The following RGS22 variants were observed in gnomAD, a reference collection of about 807,000 sequenced individuals.
RGS22 encodes regulator of G-protein signaling 22.
In RGS22, 148 loss-of-function variants were observed where a neutral mutation model predicts 172.9. The ratio of observed to expected loss-of-function variants is 0.86; its 90% CI spans 0.75 to 0.98. The LOEUF is 0.98. Among genes scored for constraint, RGS22 ranks in the 50% least tolerant of loss-of-function variants. RGS22 has a pLI of 0.00. For synonymous variants in RGS22, 458 were observed against 480.2 expected, an observed-to-expected ratio of 0.95 and a Z score of 0.60; for missense variants, 1,347 against 1,440.8, an observed-to-expected ratio of 0.93 and a Z score of 1.05.
At chr8:100,017,089 C>T (rs1817068829) in intron 14 of RGS22, among the ~76,000 whole-genome samples, 1 of 143,176 alleles carries the variant, frequency 7.0e-6, no homozygotes, top group South Asian at 2.3e-4. Context: ...CCTCTGCCTC[C>T]TGGGCTCAAG....
At chr8:100,101,976 T>C (rs1488739756) in intron 2 of RGS22, among the ~76,000 whole-genome samples, 1 of 152,140 alleles carries the variant, frequency 6.6e-6, no homozygotes, top group Non-Finnish European at 1.5e-5. Context: ...GCTTCCCAAA[T>C]ATCAGGGACC....
chr8:100,069,209 A>G (rs1810766916), intron 6 of RGS22, among the ~76,000 whole-genome samples: 1 of 152,212 alleles, frequency 6.6e-6, no homozygotes, highest in Non-Finnish European at 1.5e-5. Context: ...GATCAACTGA[A>G]AGTGCCTTAT....
intron 3 of RGS22, among the ~76,000 whole-genome samples, chr8:100,081,510 C>T (rs980638473): frequency 6.6e-6 from 1 of 151,786 alleles, no homozygotes; most frequent in African/African-American, 2.4e-5. Flanking sequence ...AGCCTTAGGA[C>T]TAAGAGTTTC....
chr8:99,989,098 AC>A (rs1299090905), intron 20 of RGS22, among the ~76,000 whole-genome samples: 2 of 152,114 alleles, frequency 1.3e-5, no homozygotes, highest in African/African-American at 4.8e-5. Context: ...ATAGCAAAAA[AC>A]AAACATTAAA....
chr8:99,977,826 C>A (rs910374892), intron 23 of RGS22, 91 bp downstream of exon 23: 7 of 1,101,684 alleles, frequency 6.4e-6, no homozygotes, highest in Non-Finnish European at 9.0e-6. Flanking sequence ...TAACTTCTCT[C>A]TATATATCCC....
At chr8:100,038,636 C>T (rs1819760952) in intron 14 of RGS22, 1 of 217,220 alleles carries the variant, frequency 4.6e-6, no homozygotes, top group Non-Finnish European at 9.0e-6. Flanking sequence ...TCACTCAAAA[C>T]CAAACCAAAA....
At chr8:100,033,153 G>T (rs1261709935) in intron 14 of RGS22, among the ~76,000 whole-genome samples, 1 of 151,996 alleles carries the variant, frequency 6.6e-6, no homozygotes, top group African/African-American at 2.4e-5. Context: ...CAGAAGACAA[G>T]AAATACTTAA....
intron 22 of RGS22, among the ~76,000 whole-genome samples, chr8:99,981,694 T>A (rs1323634777): frequency 1.3e-5 from 2 of 151,428 alleles, no homozygotes; most frequent in Non-Finnish European, 2.9e-5. Context: ...AGGATATCTA[T>A]CTTTTTAATT....
intron 14 of RGS22, among the ~76,000 whole-genome samples, chr8:100,029,716 A>AAAG (rs1554619565): frequency 6.6e-6 from 1 of 150,928 alleles, no homozygotes; most frequent in African/African-American, 2.4e-5. Flanking sequence ...AAAAAAAAAA[A>AAAG]AAAAAAAGAA....
At chr8:99,968,837 C>T (rs1274734514) in intron 23 of RGS22, among the ~76,000 whole-genome samples, 2 of 152,232 alleles carry the variant, frequency 1.3e-5, no homozygotes, top group East Asian at 3.9e-4. Context: ...CTTCCCCAAC[C>T]TAGCAAGATA....
chr8:100,052,406 A>G (rs1290839552), intron 10 of RGS22, among the ~76,000 whole-genome samples: 1 of 149,896 alleles, frequency 6.7e-6, no homozygotes, highest in Admixed American at 6.7e-5. Context: ...GATTCCCGCC[A>G]TTCTCCTGCC....
At chr8:100,045,557 T>C (rs1820626719) in intron 11 of RGS22, among the ~76,000 whole-genome samples, 1 of 152,114 alleles carries the variant, frequency 6.6e-6, no homozygotes, top group African/African-American at 2.4e-5. Context: ...ATGCATACTA[T>C]GTTGGTGAAG....
At chr8:100,098,495 A>G (rs887845440) in intron 2 of RGS22, among the ~76,000 whole-genome samples, 1 of 152,212 alleles carries the variant, frequency 6.6e-6, no homozygotes, top group Non-Finnish European at 1.5e-5. Flanking sequence ...AAGCCCGCAT[A>G]TCAGATCCCC....
At chr8:100,006,242 A>G (rs1227402992) in intron 15 of RGS22, 133 bp from the exon 16 acceptor site, 1 of 685,644 alleles carries the variant, frequency 1.5e-6, no homozygotes, top group East Asian at 2.8e-5. Context: ...AACATAGTTT[A>G]AAAGATTAGC....
At position 100,063,578 on chromosome 8, in the gene RGS22, C is replaced by T. The variant is rs2446927; in HGVS notation, c.1190G>A (p.Arg397Lys). Residue 397 changes from arginine to lysine, a missense_variant, in exon 8 of 28, where the codon AGG becomes AAG. Coordinates refer to ENST00000360863, the MANE Select transcript of RGS22 (RefSeq NM_015668.5). The part of the protein sequence containing the change: ...SKNESAGPES[R>K]ADWCISHRTY... Reference sequence around the variant, plus strand: ...CCTATGAGAAATACACCAGTCCGCCCTGCTCTCTGGTCCAGCGCTCTCATT... The same window carrying T: ...CCTATGAGAAATACACCAGTCCGCCTTGCTCTCTGGTCCAGCGCTCTCATT... 1.9e-6 allele frequency: 3 copies of T among 1,614,024 alleles called. No homozygotes were observed. The highest frequency in any genetic ancestry group is 2.2e-5 in the South Asian group (2 of 91,084).
chr8:100,086,722 A>C (rs910141545), intron 3 of RGS22, among the ~76,000 whole-genome samples: 44 of 152,134 alleles, frequency 2.9e-4, no homozygotes, highest in Admixed American at 1.1e-3. Flanking sequence ...GTTGAAAAGA[A>C]AAAAGAAAGA....
In RGS22 at chr8:100,040,038, T is replaced by C. The variant is rs1162951971; in HGVS notation, c.1988A>G (p.Asn663Ser). ...VGALGGSDME[N>S]LLQSLYVENR... ...TTCTACATACAAAGATTGCAACAAA[T>C]TTTCCATGTCAGATCCTCCCAAGGC... The change falls in exon 13 of 28, where the codon AAT (asparagine) becomes AGT (serine). Residue 663 changes from asparagine to serine, a missense_variant. By Grantham distance (46) the Asn-to-Ser change is conservative. Coordinates refer to ENST00000360863, the MANE Select transcript of RGS22 (RefSeq NM_015668.5). The C allele has an allele frequency of 6.2e-7, 1 of 1,609,666 alleles. No homozygotes were observed. Among genetic ancestry groups the C allele is most frequent in the Non-Finnish European group, 8.5e-7 (1 of 1,178,434 alleles).
chr8:100,071,553 C>A lies in RGS22; in HGVS notation c.426-16G>T. Reference sequence around the variant, plus strand: ...TTTGGCTAACCTGCATTTTAGAAATCATACAAATTTAAAACAAGTTTCAAA... The same window carrying A: ...TTTGGCTAACCTGCATTTTAGAAATAATACAAATTTAAAACAAGTTTCAAA... On this transcript the variant is annotated splice_polypyrimidine_tract_variant and intron_variant, in intron 5 of 27. Coordinates refer to ENST00000360863, the MANE Select transcript of RGS22 (RefSeq NM_015668.5). 1.3e-6 allele frequency: 2 copies of A among 1,577,398 alleles called. No individual in the cohort carries two copies. Among genetic ancestry groups the A allele is most frequent in the South Asian group, 1.2e-5 (1 of 84,680 alleles).
intron 20 of RGS22, among the ~76,000 whole-genome samples, chr8:99,994,200 G>A (rs1032804391): frequency 7.9e-5 from 12 of 152,024 alleles, no homozygotes; most frequent in African/African-American, 1.5e-4. Context: ...TTTGAAAATC[G>A]GCACAAGACA....
Sources: allele counts gnomAD v4.1 joint callset (sites outside exome capture counted in the v4.1 genomes callset), GRCh38; gene constraint gnomAD v4.1.1; transcripts MANE v1.5; gene names NCBI Gene and HGNC (gene_info 2026-07-23, HGNC 2026-07-21).